The following CCDC66 variants were observed in gnomAD, a reference collection of about 807,000 sequenced individuals.
CCDC66 encodes coiled-coil domain containing 66.
A neutral mutation model predicts 128.3 loss-of-function variants in CCDC66; 133 were observed. The ratio of observed to expected loss-of-function variants is 1.04; its 90% CI spans 0.90 to 1.20. The LOEUF is 1.20. CCDC66 is among the 50% of genes most tolerant of loss of function. The probability of loss-of-function intolerance (pLI) is 0.00; values close to 1 mark genes in which losing one functional copy is unlikely to be tolerated. For missense variants in CCDC66, 1,126 were observed against 1,075.5 expected, an observed-to-expected ratio of 1.05 and a Z score of -0.66; for synonymous variants, 387 against 357.0, an observed-to-expected ratio of 1.08 and a Z score of -0.95.
chr3:56,557,221 GGA>G lies in CCDC66; in HGVS notation c.-16_-15del, dbSNP rs2064410559. 6 of 1,550,758 alleles carry G rather than the reference GGA, an allele frequency of 3.9e-6. No homozygotes were observed. The highest frequency in any genetic ancestry group is 5.2e-6 in the Non-Finnish European group (6 of 1,146,892). ...TACACAAGGGGCTTGAGCGTTCTGTGGAGAGAGTGCGAGGTCAGGCCATGAAC... is the reference window on the plus strand; with the variant it reads ...TACACAAGGGGCTTGAGCGTTCTGTGGAGAGTGCGAGGTCAGGCCATGAAC... On this transcript the variant is annotated 5_prime_UTR_variant, in exon 1 of 18. Coordinates refer to ENST00000394672, the MANE Select transcript of CCDC66 (RefSeq NM_001141947.3).
chr3:56,595,861 C>T (rs1410076597), intron 10 of CCDC66, among the ~76,000 whole-genome samples: 1 of 152,158 alleles, frequency 6.6e-6, no homozygotes, highest in Non-Finnish European at 1.5e-5. Context: ...ATAAGGATTC[C>T]CTTTTCTCCG....
rs569355156 is a variant in CCDC66, at chr3:56,576,580, C to T, written c.936+5278C>T. ...CCTCCCCCCACCCCACGACAAGCCC[C>T]GATGTGTGATGTTCCCCACCCTGTG... On this transcript the variant is annotated intron_variant, in intron 7 of 17. Coordinates refer to ENST00000394672, the MANE Select transcript of CCDC66 (RefSeq NM_001141947.3). 9.4e-5 allele frequency among the ~76,000 whole-genome samples: 13 copies of T among 138,090 alleles called. 1 individual carries two copies. In the South Asian group the frequency reaches 2.2e-3, roughly 23 times the overall value. 90.6% of individuals were successfully genotyped at this position (138,090 alleles called of 152,430 possible). A position where few individuals can be genotyped will look rare whatever the true frequency, so the allele number is the denominator to read the frequency against.
In CCDC66 at chr3:56,566,689, C is replaced by T. The variant is rs1446785892; in HGVS notation, c.640C>T (p.Pro214Ser). 2.5e-6 allele frequency: 4 copies of T among 1,612,850 alleles called. No individual in the cohort carries two copies. Among genetic ancestry groups the T allele is most frequent in the Non-Finnish European group, 3.4e-6 (4 of 1,179,140 alleles). The change falls in exon 5 of 18, where the codon CCA becomes TCA. Residue 214 changes from proline (P) to serine (S), a missense_variant. By Grantham distance (74) the Pro-to-Ser change is moderately conservative. Transcript: ENST00000394672. ...AAAAACTGAAATGGTTTCATCTGTC[C>T]CAGCTGAAAATAAATCTGTCTTAAA... ...FKKTEMVSSV[P>S]AENKSVLNEH...
intron 7 of CCDC66, among the ~76,000 whole-genome samples, chr3:56,578,271 T>A (rs2067723881): frequency 6.6e-6 from 1 of 151,876 alleles, no homozygotes; most frequent in South Asian, 2.1e-4. Context: ...ATCCTGAGAC[T>A]TTGCTGAAGT....
intron 10 of CCDC66, among the ~76,000 whole-genome samples, chr3:56,612,331 G>C (rs1415558519): frequency 6.6e-6 from 1 of 152,200 alleles, no homozygotes; most frequent in Non-Finnish European, 1.5e-5. Context: ...TTAGGGTGCA[G>C]TTGTTCGTGG....
intron 10 of CCDC66, among the ~76,000 whole-genome samples, chr3:56,608,529 A>G (rs1480115246): frequency 2.0e-5 from 3 of 152,008 alleles, no homozygotes; most frequent in African/African-American, 7.2e-5. Flanking sequence ...TTCTTGGTTA[A>G]TCTTGCTAAT....
At chr3:56,590,215 C>A (rs999812578) in intron 7 of CCDC66, among the ~76,000 whole-genome samples, 2 of 152,144 alleles carry the variant, frequency 1.3e-5, no homozygotes, top group Non-Finnish European at 2.9e-5. Context: ...TGTTCTTTCC[C>A]AAAGCTGCAT....
chr3:56,617,782 CAT>C, intron 14 of CCDC66, 177 bp downstream of exon 14: 1 of 669,416 alleles, frequency 1.5e-6, no homozygotes, highest in Non-Finnish European at 2.5e-6. Context: ...TTTATACGAA[CAT>C]AGTCAACTCA....
chr3:56,563,574 A>G (rs2065415241), intron 3 of CCDC66, 110 bp from the exon 4 acceptor site: 1 of 800,724 alleles, frequency 1.2e-6, no homozygotes, highest in Non-Finnish European at 1.9e-6. Context: ...TATTACCTAA[A>G]TAGCAAAATG....
chr3:56,614,861 A>G (rs1459152778), intron 11 of CCDC66, among the ~76,000 whole-genome samples: 1 of 152,200 alleles, frequency 6.6e-6, no homozygotes, highest in Non-Finnish European at 1.5e-5. Flanking sequence ...TTTAAATGTA[A>G]TAAAAGTTTT....
At chr3:56,597,083 G>A (rs1488497385) in intron 10 of CCDC66, among the ~76,000 whole-genome samples, 1 of 151,842 alleles carries the variant, frequency 6.6e-6, no homozygotes, top group Non-Finnish European at 1.5e-5. Flanking sequence ...TGAATATGGT[G>A]AGAGATGGGG....
intron 11 of CCDC66, among the ~76,000 whole-genome samples, chr3:56,614,237 T>C (rs1011364796): frequency 6.6e-6 from 1 of 152,172 alleles, no homozygotes; most frequent in African/African-American, 2.4e-5. Context: ...TTCTCAAATG[T>C]TATATTGGTT....
intron 17 of CCDC66, chr3:56,621,294 G>C: frequency 3.1e-6 from 1 of 327,540 alleles, no homozygotes; most frequent in Non-Finnish European, 5.6e-6. Context: ...ATGGAGTCTT[G>C]AGTTCTAAGA....
At chr3:56,584,227 C>T (rs1218664461) in intron 7 of CCDC66, among the ~76,000 whole-genome samples, 8 of 140,634 alleles carry the variant, frequency 5.7e-5, no homozygotes, top group East Asian at 2.3e-4. Context: ...GGGTGGCTGC[C>T]GGGCGGAGGG....
rs1018935829 is a variant in CCDC66, at chr3:56,621,337, A to AACAG, written c.2761-193_2761-190dup. The AACAG allele has an allele frequency of 4.7e-4, 188 of 395,884 alleles. 1 individual carries two copies. Among genetic ancestry groups the AACAG allele is most frequent in the Non-Finnish European group, 7.5e-4 (165 of 220,974 alleles). 24.5% of individuals were successfully genotyped at this position (395,884 alleles called of 1,614,324 possible). ...CATCCCTATTGATTTTTATGCTAAA[A>AACAG]ACAGAATCTTACAAATGTGATAGCT... On this transcript the variant is annotated intron_variant, in intron 17 of 17. Transcript: ENST00000394672.
At chr3:56,604,139 C>T (rs996997322) in intron 10 of CCDC66, among the ~76,000 whole-genome samples, 1 of 152,008 alleles carries the variant, frequency 6.6e-6, no homozygotes, top group Non-Finnish European at 1.5e-5. Flanking sequence ...GTAAATACTC[C>T]TTCATCCCTT....
At chr3:56,568,441 T>C (rs2066181831) in intron 6 of CCDC66, among the ~76,000 whole-genome samples, 1 of 152,214 alleles carries the variant, frequency 6.6e-6, no homozygotes, top group African/African-American at 2.4e-5. Flanking sequence ...AGTCGTATTT[T>C]ATAATATTTG....
Position 56,571,292 on chromosome 3 carries a change from A to G in CCDC66, c.926A>G (p.Asp309Gly). The G allele has an allele frequency of 6.6e-7, 1 of 1,523,600 alleles. No homozygotes were observed. Among genetic ancestry groups the G allele is most frequent in the Non-Finnish European group, 9.0e-7 (1 of 1,113,154 alleles). 94.4% of individuals were successfully genotyped at this position (1,523,600 alleles called of 1,614,324 possible). Residue 309 changes from aspartate to glycine, a missense_variant, in exon 7 of 18, where the codon GAC becomes GGC. Asp to Gly is a moderately conservative substitution (Grantham distance 94). Transcript: ENST00000394672. ...KIIWEKHQIL[D>G]QSRETVLLEH... ...ATATGGGAAAAACATCAAATTCTTG[A>G]CCAATCTAGGGTAAGACATCTTAAT...
intron 7 of CCDC66, among the ~76,000 whole-genome samples, chr3:56,584,037 C>T (rs543658566): frequency 7.3e-5 from 10 of 137,142 alleles, no homozygotes; most frequent in East Asian, 7.2e-4. Context: ...ACCTCCCTCC[C>T]GGACGGGGCG....
Sources: allele counts gnomAD v4.1 joint callset (sites outside exome capture counted in the v4.1 genomes callset), GRCh38; gene constraint gnomAD v4.1.1; transcripts MANE v1.5; gene names NCBI Gene and HGNC (gene_info 2026-07-23, HGNC 2026-07-21).